Variants in PPP3CC observed in about 807,000 individuals in gnomAD.
The protein encoded by PPP3CC is protein phosphatase 3 catalytic subunit gamma, also known as serine/threonine-protein phosphatase 2B catalytic subunit gamma isoform.
Under a neutral mutation model 60.3 loss-of-function variants are expected in PPP3CC, and 35 were observed. That is an observed-to-expected ratio of 0.58 (90% confidence interval 0.44 to 0.77). The LOEUF is 0.77. Ranked by LOEUF, PPP3CC falls within the 30% of genes least tolerant of loss-of-function variation. The pLI is 0.00. For synonymous variants in PPP3CC, 206 were observed against 224.3 expected (o/e 0.92, Z 0.73); for missense variants, 570 against 628.9 (o/e 0.91, Z 1.00).
Position 22,522,490 on chromosome 8 carries a change from G to A in PPP3CC, c.771-1G>A. On this transcript the variant is annotated splice_acceptor_variant, in intron 6 of 13. Coordinates refer to ENST00000240139, the MANE Select transcript of PPP3CC (RefSeq NM_005605.5). LOFTEE classifies it high-confidence loss of function. ...TTATGTTTTCTAATTTTCTTTTCCA[G>A]TTACCCTGCAGTTTGTGAATTTTTG... 1 of 1,598,196 alleles carries A rather than the reference G, an allele frequency of 6.3e-7. No individual in the cohort carries two copies. The highest frequency in any genetic ancestry group is 8.5e-7 in the Non-Finnish European group (1 of 1,173,518).
At position 22,465,594 on chromosome 8, in the gene PPP3CC, C is replaced by T. The variant is rs192896111; in HGVS notation, c.50-9360C>T. ...GGCTGCAAGTTCTATCTCTTGCTCT[C>T]TCTTATCCCTCTTTGCCCTTCCACT... On this transcript the variant is annotated intron_variant, in intron 1 of 13. Transcript: ENST00000240139. Among the ~76,000 whole-genome samples, 368 of 152,280 alleles carry T rather than the reference C, an allele frequency of 2.4e-3. 2 individuals are homozygous for T. Among genetic ancestry groups the T allele is most frequent in the African/African-American group, 8.2e-3 (341 of 41,548 alleles).
chr8:22,519,657 GT>G (rs1209564884), intron 6 of PPP3CC, among the ~76,000 whole-genome samples: 1 of 152,002 alleles, frequency 6.6e-6, no homozygotes, highest in Admixed American at 6.6e-5. Context: ...TTAATTTCAG[GT>G]TTTACTTTAT....
intron 12 of PPP3CC, among the ~76,000 whole-genome samples, chr8:22,534,422 C>CAAAAA (rs34306343): frequency 7.4e-6 from 1 of 134,464 alleles, no homozygotes. Context: ...ACCCTGTCTC[C>CAAAAA]AAAAAAAAAA....
chr8:22,446,468 C>T (rs1358185779), intron 1 of PPP3CC, among the ~76,000 whole-genome samples: 1 of 152,144 alleles, frequency 6.6e-6, no homozygotes, highest in Non-Finnish European at 1.5e-5. Context: ...AAGACCTTTT[C>T]CTAAGCAGTA....
rs956511159 is a variant in PPP3CC, at chr8:22,527,295, C to A, written c.944-97C>A. 1.8e-5 allele frequency: 25 copies of A among 1,365,874 alleles called. No individual in the cohort carries two copies. In the African/African-American group the frequency reaches 2.0e-4, roughly 11 times the overall value. The allele number at this position is 1,365,874 out of a possible 1,614,324, so 84.6% of individuals were successfully genotyped here. ...GTCCTGACTTTACAAATGGAAAGTTCTCGAATTCTGTGTAGCAGGTACACA... is the reference window on the plus strand; with the variant it reads ...GTCCTGACTTTACAAATGGAAAGTTATCGAATTCTGTGTAGCAGGTACACA... On this transcript the variant is annotated intron_variant, in intron 8 of 13. Coordinates refer to ENST00000240139, the MANE Select transcript of PPP3CC (RefSeq NM_005605.5).
At position 22,540,620 on chromosome 8, in the gene PPP3CC, A is replaced by G. The variant is rs550192301; in HGVS notation, c.1357A>G (p.Arg453Gly). ...VEAVEAREAIRGFSLQHKIRS... is the reference protein window; with the variant it reads ...VEAVEAREAIGGFSLQHKIRS... ...TGCTTCCTGTTTTTCTGTAGCCATCAGAGGGTTCTCGCTTCAGCACAAGAT... is the reference window on the plus strand; with the variant it reads ...TGCTTCCTGTTTTTCTGTAGCCATCGGAGGGTTCTCGCTTCAGCACAAGAT... Residue 453 changes from arginine to glycine, a missense_variant, in exon 14 of 14, where the codon AGA becomes GGA. Transcript: ENST00000240139. 1 of 1,612,634 alleles carries G rather than the reference A, an allele frequency of 6.2e-7. No individual in the cohort carries two copies. Among genetic ancestry groups the G allele is most frequent in the Non-Finnish European group, 8.5e-7 (1 of 1,179,584 alleles).
At chr8:22,496,224 T>G (rs1248511111) in intron 3 of PPP3CC, among the ~76,000 whole-genome samples, 1 of 152,094 alleles carries the variant, frequency 6.6e-6, no homozygotes, top group Non-Finnish European at 1.5e-5. Flanking sequence ...ATCTGTAGTA[T>G]AAAATTCCAC....
intron 3 of PPP3CC, among the ~76,000 whole-genome samples, chr8:22,489,746 A>ATATTATATATTATATATATAATAAG (rs1838342085): frequency 7.0e-6 from 1 of 143,146 alleles, no homozygotes; most frequent in East Asian, 1.9e-4. Flanking sequence ...TAATAAGTAT[A>ATATTATATATTATATATATAATAAG]TATTATATAT....
intron 3 of PPP3CC, among the ~76,000 whole-genome samples, chr8:22,480,693 G>T (rs894178386): frequency 6.6e-6 from 1 of 152,012 alleles, no homozygotes; most frequent in African/African-American, 2.4e-5. Flanking sequence ...TGGCCAGGCT[G>T]GTCTCCAACT....
rs573795666 is a variant in PPP3CC at position 22,470,556 on chromosome 8, C to T, written c.50-4398C>T. 2.0e-5 allele frequency among the ~76,000 whole-genome samples: 3 copies of T among 152,166 alleles called. No homozygotes were observed. In the South Asian group the frequency reaches 6.2e-4, roughly 32 times the overall value. The stretch of plus-strand genomic sequence containing the variant: ...TGTACCCAGAACATACAAGAACTTT[C>T]GTCAGTCAATAAGAAAAGATACTAA... On this transcript the variant is annotated intron_variant, in intron 1 of 13. Coordinates refer to ENST00000240139, the MANE Select transcript of PPP3CC (RefSeq NM_005605.5).
intron 1 of PPP3CC, among the ~76,000 whole-genome samples, chr8:22,450,519 C>G (rs1033900515): frequency 3.9e-5 from 6 of 152,182 alleles, no homozygotes; most frequent in Admixed American, 2.6e-4. Context: ...TGCTGTGAAC[C>G]TTTGGTTTGT....
chr8:22,446,549 C>T (rs1031111338), intron 1 of PPP3CC, among the ~76,000 whole-genome samples: 2 of 151,974 alleles, frequency 1.3e-5, no homozygotes, highest in African/African-American at 2.4e-5. Flanking sequence ...TTAGGCCAGG[C>T]GTGGTGGCTC....
chr8:22,464,858 G>C (rs1159953118), intron 1 of PPP3CC, among the ~76,000 whole-genome samples: 1 of 152,118 alleles, frequency 6.6e-6, no homozygotes, highest in Non-Finnish European at 1.5e-5. Context: ...CTTTACTGGA[G>C]AATGAGTATG....
intron 1 of PPP3CC, among the ~76,000 whole-genome samples, chr8:22,456,044 A>T (rs1837185458): frequency 6.6e-6 from 1 of 152,232 alleles, no homozygotes; most frequent in South Asian, 2.1e-4. Flanking sequence ...GCAGGTGAGT[A>T]GATTAGGAAA....
intron 4 of PPP3CC, among the ~76,000 whole-genome samples, chr8:22,508,916 A>G (rs1839002929): frequency 6.6e-6 from 1 of 152,240 alleles, no homozygotes; most frequent in Non-Finnish European, 1.5e-5. Flanking sequence ...GCAATGATGC[A>G]TAAGACATGG....
chr8:22,456,217 C>T (rs1837190737), intron 1 of PPP3CC, among the ~76,000 whole-genome samples: 1 of 152,152 alleles, frequency 6.6e-6, no homozygotes, highest in Non-Finnish European at 1.5e-5. Flanking sequence ...GTTTATGTTT[C>T]ATACTCACCG....
chr8:22,453,088 T>G (rs1342647069), intron 1 of PPP3CC, among the ~76,000 whole-genome samples: 1 of 152,198 alleles, frequency 6.6e-6, no homozygotes, highest in Non-Finnish European at 1.5e-5. Context: ...CCGTGTGGCC[T>G]TTGAGCTTTG....
chr8:22,464,194 CAA>C (rs1019104767), intron 1 of PPP3CC, among the ~76,000 whole-genome samples: 2 of 151,764 alleles, frequency 1.3e-5, no homozygotes, highest in Non-Finnish European at 2.9e-5. Context: ...TTTAATAAAG[CAA>C]AGAGTTCTCA....
At chr8:22,525,000 A>G (rs1412513177) in intron 8 of PPP3CC, among the ~76,000 whole-genome samples, 1 of 152,154 alleles carries the variant, frequency 6.6e-6, no homozygotes, top group East Asian at 1.9e-4. Flanking sequence ...AAAATTTAAA[A>G]GTTAGCCAGG....
Sources: allele counts gnomAD v4.1 joint callset (sites outside exome capture counted in the v4.1 genomes callset), GRCh38; gene constraint gnomAD v4.1.1; transcripts MANE v1.5; gene names NCBI Gene and HGNC (gene_info 2026-07-23, HGNC 2026-07-21).